VGLL4: variants seen among roughly 807,000 people sequenced by gnomAD.
VGLL4 encodes transcription cofactor vestigial-like protein 4.
In VGLL4, 7 loss-of-function variants were observed where a neutral mutation model predicts 21.0. The observed-to-expected ratio is 0.33, with a 90% CI of 0.19 to 0.63. VGLL4 has a LOEUF of 0.63. Among genes scored for constraint, VGLL4 ranks in the 20% least tolerant of loss-of-function variants. VGLL4 has a pLI of 0.78. For synonymous variants in VGLL4, 222 were observed against 173.2 expected, an observed-to-expected ratio of 1.28 and a Z score of -2.21; for missense variants, 394 against 425.7, an observed-to-expected ratio of 0.93 and a Z score of 0.66.
At chr3:11,701,913 CAAG>C (rs945293922) in intron 2 of VGLL4, among the ~76,000 whole-genome samples, 62 of 152,124 alleles carry the variant, frequency 4.1e-4, no homozygotes, top group African/African-American at 1.5e-3. Context: ...TAACTTTGAA[CAAG>C]AACGTTTAAA....
Position 11,568,669 on chromosome 3 carries a change from G to C in VGLL4, c.273-3650C>G. The C allele has an allele frequency of 6.4e-7, 1 of 1,556,718 alleles. No individual in the cohort carries two copies. Among genetic ancestry groups the C allele is most frequent in the African/African-American group, 1.4e-5 (1 of 73,416 alleles). On this transcript the variant is annotated intron_variant, in intron 2 of 4. Coordinates refer to ENST00000430365, the MANE Select transcript of VGLL4 (RefSeq NM_001128219.3). The surrounding 1 kb of genome is among the most constrained non-coding windows in gnomAD (Gnocchi z 5.9). The stretch of plus-strand genomic sequence containing the variant: ...AGACATTGTTTTCCAGGCCCCGCTC[G>C]CCCGGATGAATCACCTCCCGGCCAC...
At chr3:11,714,674 T>C (rs898295037) in intron 1 of VGLL4, among the ~76,000 whole-genome samples, 1 of 152,162 alleles carries the variant, frequency 6.6e-6, no homozygotes, top group African/African-American at 2.4e-5. Flanking sequence ...CAGCAAGGCA[T>C]ATGAAATAAC....
chr3:11,574,785 A>ATGTGTGTGTGTGTGTGTGTGTG lies in VGLL4; in HGVS notation c.273-9788_273-9767dup, dbSNP rs375691226. 7.4e-5 allele frequency among the ~76,000 whole-genome samples: 9 copies of ATGTGTGTGTGTGTGTGTGTGTG among 121,776 alleles called. 1 individual carries two copies. The East Asian group carries it at 1.8e-3, about 24-fold the overall frequency. 79.9% of individuals were successfully genotyped at this position (121,776 alleles called of 152,430 possible). On this transcript the variant is annotated intron_variant, in intron 2 of 4. Transcript: ENST00000430365. ...ACAATTACTGTCAATTCAACTATATATGTGTGTGTGTGTGTGTGTGTGTGT... is the reference window on the plus strand; with the variant it reads ...ACAATTACTGTCAATTCAACTATATATGTGTGTGTGTGTGTGTGTGTGTGTGTGTGTGTGTGTGTGTGTGTGT...
intron 2 of VGLL4, among the ~76,000 whole-genome samples, chr3:11,582,877 C>G (rs188288646): frequency 3.9e-5 from 6 of 152,162 alleles, no homozygotes; most frequent in African/African-American, 4.8e-5. Context: ...TCCCTTCCAC[C>G]AGCAGAACCC....
intron 2 of VGLL4, among the ~76,000 whole-genome samples, chr3:11,688,770 G>A (rs1421111670): frequency 6.6e-6 from 1 of 152,178 alleles, no homozygotes; most frequent in Non-Finnish European, 1.5e-5. Flanking sequence ...TGTAATCCCA[G>A]CACTTTGGGA....
At chr3:11,632,989 T>C (rs1434310995) in intron 1 of VGLL4, 3 of 152,214 alleles carry the variant, frequency 2.0e-5, no homozygotes, top group Non-Finnish European at 4.4e-5. Flanking sequence ...CAACTTCAAA[T>C]GTTTTCCTAC....
At chr3:11,561,206 CG>C (rs1559854482) in intron 3 of VGLL4, among the ~76,000 whole-genome samples, 3 of 152,164 alleles carry the variant, frequency 2.0e-5, no homozygotes, top group African/African-American at 7.2e-5. Flanking sequence ...TCCTGACCCA[CG>C]CAAATGTGGG....
At chr3:11,664,226 A>T (rs1294360904) in intron 2 of VGLL4, among the ~76,000 whole-genome samples, 1 of 152,250 alleles carries the variant, frequency 6.6e-6, no homozygotes, top group Non-Finnish European at 1.5e-5. Context: ...CGACAGATCA[A>T]GAGTCCGTCT....
chr3:11,656,411 G>C (rs530625445), intron 2 of VGLL4, among the ~76,000 whole-genome samples: 2 of 152,310 alleles, frequency 1.3e-5, no homozygotes, highest in South Asian at 2.1e-4. Context: ...CCGGAGGCTA[G>C]AGGAGTTCCC....
upstream of VGLL4, among the ~76,000 whole-genome samples, chr3:11,646,556 G>GA (rs78117287): frequency 0.016 from 2,142 of 133,384 alleles, 56 homozygotes; most frequent in African/African-American, 0.05. Context: ...ATCTAGGGAG[G>GA]AAAAAAAAAA....
intron 2 of VGLL4, among the ~76,000 whole-genome samples, chr3:11,656,690 C>A (rs548932880): frequency 1.3e-5 from 2 of 152,174 alleles, no homozygotes; most frequent in Non-Finnish European, 2.9e-5. Context: ...GCAGGCCACT[C>A]GCATAGCAAG....
intron 2 of VGLL4, chr3:11,569,014 T>TTAATGATACGGC: frequency 5.4e-6 from 5 of 934,164 alleles, no homozygotes; most frequent in Admixed American, 1.0e-4. Context: ...CAGAGCTTTC[T>TTAATGATACGGC]GAGTACTGAA....
intron 2 of VGLL4, among the ~76,000 whole-genome samples, chr3:11,572,215 C>G (rs557034814): frequency 6.6e-6 from 1 of 152,328 alleles, no homozygotes; most frequent in South Asian, 2.1e-4. Flanking sequence ...TAGACCTCAT[C>G]TTAGTAAATT....
chr3:11,672,375 GTGT>G (rs773717949), intron 2 of VGLL4, among the ~76,000 whole-genome samples: 19 of 36,584 alleles, frequency 5.2e-4, no homozygotes, highest in Non-Finnish European at 6.7e-4. Flanking sequence ...CTTCTATTTA[GTGT>G]TTTTTTTTAA....
intron 1 of VGLL4, chr3:11,604,273 G>GCGCCCCCACGCCCA (rs2074880967): frequency 1.7e-6 from 1 of 587,606 alleles, no homozygotes; most frequent in African/African-American, 3.5e-5. Context: ...AGCACGGTTT[G>GCGCCCCCACGCCCA]CCTCATTTGA....
chr3:11,614,917 A>C (rs981960765), intron 1 of VGLL4, among the ~76,000 whole-genome samples: 22 of 152,234 alleles, frequency 1.4e-4, no homozygotes, highest in Non-Finnish European at 7.3e-5. Flanking sequence ...AAAAAATTTT[A>C]AAGCTACCCA....
In VGLL4 at chr3:11,593,306, C is replaced by T. The variant is rs1478462955; in HGVS notation, c.272+8527G>A. On this transcript the variant is annotated intron_variant, in intron 2 of 4. Coordinates refer to ENST00000430365, the MANE Select transcript of VGLL4 (RefSeq NM_001128219.3). Reference sequence around the variant, plus strand: ...TTTTACATCCAGATACCAAAAACTACAGATACTGCAGAACATTTGAGGTCT... The same window carrying T: ...TTTTACATCCAGATACCAAAAACTATAGATACTGCAGAACATTTGAGGTCT... Among the ~76,000 whole-genome samples, 8 of 152,148 alleles carry T rather than the reference C, an allele frequency of 5.3e-5. No homozygotes were observed. The South Asian group carries it at 1.2e-3, about 24-fold the overall frequency.
Position 11,558,342 on chromosome 3 carries a change from C to A in VGLL4, c.*214G>T, listed in dbSNP as rs188306508. The A allele has an allele frequency of 1.5e-5, 11 of 724,012 alleles. No individual in the cohort carries two copies. The highest frequency in any genetic ancestry group is 2.0e-5 in the Non-Finnish European group (9 of 453,206). 44.8% of individuals were successfully genotyped at this position (724,012 alleles called of 1,614,324 possible). A position where few individuals can be genotyped will look rare whatever the true frequency, so the allele number is the denominator to read the frequency against. ...TGCTACATTAGACAGATGTTCCACG[C>A]GTAGTTCCTGCTATCATGTTTGAGG... On this transcript the variant is annotated 3_prime_UTR_variant, in exon 5 of 5. Coordinates refer to ENST00000430365, the MANE Select transcript of VGLL4 (RefSeq NM_001128219.3).
chr3:11,625,499 T>G (rs1354130094), intron 1 of VGLL4, among the ~76,000 whole-genome samples: 1 of 152,238 alleles, frequency 6.6e-6, no homozygotes, highest in Non-Finnish European at 1.5e-5. Context: ...AAAATGTCAC[T>G]CAGATTCTAA....
Sources: allele counts gnomAD v4.1 joint callset (sites outside exome capture counted in the v4.1 genomes callset), GRCh38; gene constraint gnomAD v4.1.1; non-coding constraint Gnocchi (gnomAD v3.1); transcripts MANE v1.5; gene names NCBI Gene and HGNC (gene_info 2026-07-23, HGNC 2026-07-21).